Variants in S100B observed in about 807,000 individuals in gnomAD.
S100B encodes protein S100-B.
A neutral mutation model predicts 7.7 loss-of-function variants in S100B; 6 were observed. The observed-to-expected ratio is 0.78, with a 90% CI of 0.43 to 1.54. The LOEUF (loss-of-function observed/expected upper bound fraction) is 1.54. S100B is among the 40% of genes most tolerant of loss of function. The probability of loss-of-function intolerance (pLI) is 0.01; values close to 1 mark genes in which losing one functional copy is unlikely to be tolerated. For synonymous variants in S100B, 36 were observed against 40.4 expected (o/e 0.89, Z 0.41); for missense variants, 99 against 111.8 (o/e 0.89, Z 0.52).
At chr21:46,600,852 C>T (rs1320265181) in intron 2 of S100B, among the ~76,000 whole-genome samples, 1 of 152,136 alleles carries the variant, frequency 6.6e-6, no homozygotes, top group African/African-American at 2.4e-5. Flanking sequence ...TAAGCACTGT[C>T]CCGCTTCACC....
chr21:46,603,630 C>T (rs1027006526), intron 1 of S100B, among the ~76,000 whole-genome samples: 3 of 152,056 alleles, frequency 2.0e-5, no homozygotes, highest in Non-Finnish European at 2.9e-5. Context: ...AGAACGTTTG[C>T]GCTGTCATAA....
At chr21:46,600,727 A>C (rs1842020177) in intron 2 of S100B, among the ~76,000 whole-genome samples, 1 of 152,232 alleles carries the variant, frequency 6.6e-6, no homozygotes, top group South Asian at 2.1e-4. Flanking sequence ...TGAAATGCTT[A>C]CCATGAATTA....
chr21:46,605,027 A>T lies in S100B; in HGVS notation c.-16T>A, dbSNP rs1019587565. ...CTCTTTCTCACCTCTTCCTTGTCTC[A>T]CCCCTTCCTGGTCTCCTTGCTGCAG... On this transcript the variant is annotated 5_prime_UTR_variant, in exon 1 of 3. Transcript: ENST00000291700. 8 of 152,138 alleles carry T rather than the reference A, an allele frequency of 5.3e-5. No individual in the cohort carries two copies. Among genetic ancestry groups the T allele is most frequent in the African/African-American group, 1.9e-4 (8 of 41,288 alleles). The allele number at this position is 152,138 out of a possible 1,614,324, so 9.4% of individuals were successfully genotyped here. A position where few individuals can be genotyped will look rare whatever the true frequency, so the allele number is the denominator to read the frequency against.
At position 46,602,750 on chromosome 21, in the gene S100B, G is replaced by T. The variant is rs2061045222; in HGVS notation, c.-1-334C>A. 3 of 209,092 alleles carry T rather than the reference G, an allele frequency of 1.4e-5. No homozygotes were observed. The South Asian group carries it at 3.3e-4, about 23-fold the overall frequency. The allele number at this position is 209,092 out of a possible 1,614,324, so 13.0% of individuals were successfully genotyped here. A position where few individuals can be genotyped will look rare whatever the true frequency, so the allele number is the denominator to read the frequency against. On this transcript the variant is annotated intron_variant, in intron 1 of 2. Coordinates refer to ENST00000291700, the MANE Select transcript of S100B (RefSeq NM_006272.3). ...AGGCAGAGCAGCAAGGGAATTCAGGGATTAATTTCCCCTGAATTAATCCCC... is the reference window on the plus strand; with the variant it reads ...AGGCAGAGCAGCAAGGGAATTCAGGTATTAATTTCCCCTGAATTAATCCCC...
intron 1 of S100B, among the ~76,000 whole-genome samples, chr21:46,603,475 C>T (rs944657590): frequency 1.3e-4 from 19 of 151,230 alleles, no homozygotes; most frequent in Non-Finnish European, 2.7e-4. Context: ...GTACCTTACG[C>T]CACAGCCTAC....
chr21:46,604,067 A>C (rs1168129062), intron 1 of S100B, among the ~76,000 whole-genome samples: 1 of 152,222 alleles, frequency 6.6e-6, no homozygotes, highest in African/African-American at 2.4e-5. Flanking sequence ...TTTTTCTATG[A>C]ATTGTGACTA....
At chr21:46,602,608 G>A (rs11911834) in intron 1 of S100B, 192 bp from the exon 2 acceptor site, 9 of 541,608 alleles carry the variant, frequency 1.7e-5, no homozygotes, top group South Asian at 8.1e-5. Flanking sequence ...TCCTTCCACC[G>A]GCCTCTTAGA....
chr21:46,604,101 C>A (rs1465230052), intron 1 of S100B, among the ~76,000 whole-genome samples: 1 of 152,126 alleles, frequency 6.6e-6, no homozygotes, highest in Non-Finnish European at 1.5e-5. Context: ...AAAGGAAAGG[C>A]ATAAAACATG....
In S100B at chr21:46,599,371, G is replaced by C. The variant is rs763940534; in HGVS notation, c.271C>G (p.His91Asp). The C allele has an allele frequency of 7.4e-6, 12 of 1,613,782 alleles. No homozygotes were observed. Among genetic ancestry groups the C allele is most frequent in the Non-Finnish European group, 1.0e-5 (12 of 1,179,920 alleles). The change falls in exon 3 of 3, where the codon CAT (histidine) becomes GAT (aspartate). Residue 91 changes from histidine to aspartate, a missense_variant. Transcript: ENST00000291700. Reference sequence around the variant, plus strand: ...TTGGCTGCTTTCTAATCTCACTCATGTTCAAAGAACTCGTGGCAGGCAGTA... The same window carrying C: ...TTGGCTGCTTTCTAATCTCACTCATCTTCAAAGAACTCGTGGCAGGCAGTA... ...VTTACHEFFEHE is the reference protein window; with the variant it reads ...VTTACHEFFEDE
chr21:46,603,372 G>C (rs1213141753), intron 1 of S100B, among the ~76,000 whole-genome samples: 2 of 131,998 alleles, frequency 1.5e-5, no homozygotes, highest in Non-Finnish European at 3.4e-5. Flanking sequence ...CTCATTCACT[G>C]CAGTGACTGG....
chr21:46,600,275 C>T, intron 2 of S100B: 1 of 374,302 alleles, frequency 2.7e-6, no homozygotes, highest in Non-Finnish European at 5.3e-6. Context: ...GGCACGGTGG[C>T]TCACACCTGT....
chr21:46,602,187 A>T (rs182879640), intron 2 of S100B, 91 bp downstream of exon 2: 679 of 1,209,550 alleles, frequency 5.6e-4, no homozygotes, highest in Non-Finnish European at 6.9e-4. Flanking sequence ...AAATGAAATC[A>T]CCTTCAGGGC....
In S100B at chr21:46,602,645, G is replaced by T. The variant is rs377595047; in HGVS notation, c.-1-229C>A. On this transcript the variant is annotated intron_variant, in intron 1 of 2. Transcript: ENST00000291700. The stretch of plus-strand genomic sequence containing the variant: ...AGCTGTGGGCCTGCCTTCTCTGTCC[G>T]TGTGGGCCACGGGGATATATTCCCA... 4.6e-5 allele frequency: 21 copies of T among 458,610 alleles called. No individual in the cohort carries two copies. The East Asian group carries it at 7.5e-4, about 16-fold the overall frequency. 28.4% of individuals were successfully genotyped at this position (458,610 alleles called of 1,614,324 possible). A position where few individuals can be genotyped will look rare whatever the true frequency, so the allele number is the denominator to read the frequency against.
chr21:46,603,727 T>TAGATGTTTAAA (rs3216568), intron 1 of S100B, among the ~76,000 whole-genome samples: 2 of 151,776 alleles, frequency 1.3e-5, no homozygotes, highest in Admixed American at 1.3e-4. Context: ...AATTTGGAAT[T>TAGATGTTTAAA]ATTTTATTTA....
intron 2 of S100B, among the ~76,000 whole-genome samples, chr21:46,601,400 G>A (rs555870372): frequency 1.3e-5 from 2 of 152,274 alleles, no homozygotes; most frequent in Admixed American, 1.3e-4. Context: ...GGCTCAAGGC[G>A]TGCCTCAAGC....
In S100B at chr21:46,599,414, G is replaced by A; in HGVS notation, c.228C>T (p.Ala76=). The part of the protein sequence containing the change: ...DGECDFQEFM[A]FVAMVTTACH... ...AGGCAGTAGTAACCATGGCAACAAA[G>A]GCCATGAATTCCTGGAAGTCACATT... The change falls in exon 3 of 3, where the codon GCC becomes GCT. Residue 76 remains alanine, a synonymous_variant. Transcript: ENST00000291700. 2 of 1,613,648 alleles carry A rather than the reference G, an allele frequency of 1.2e-6. No individual in the cohort carries two copies. Among genetic ancestry groups the A allele is most frequent in the Non-Finnish European group, 1.7e-6 (2 of 1,179,578 alleles).
intron 1 of S100B, among the ~76,000 whole-genome samples, chr21:46,603,484 A>ACGAAC (rs2061048865): frequency 6.7e-6 from 1 of 148,928 alleles, no homozygotes; most frequent in African/African-American, 2.5e-5. Context: ...GCCACAGCCT[A>ACGAAC]CGAACCAAGG....
intron 1 of S100B, chr21:46,602,644 C>T (rs767667366): frequency 2.0e-5 from 9 of 459,564 alleles, no homozygotes; most frequent in South Asian, 7.1e-5. Flanking sequence ...CTTCTCTGTC[C>T]GTGTGGGCCA....
chr21:46,602,174 G>A (rs1371703908), intron 2 of S100B, 104 bp downstream of exon 2: 7 of 1,101,350 alleles, frequency 6.4e-6, no homozygotes, highest in Non-Finnish European at 9.2e-6. Context: ...AGTCTTGGAA[G>A]GGAAATGAAA....
Sources: allele counts gnomAD v4.1 joint callset (sites outside exome capture counted in the v4.1 genomes callset), GRCh38; gene constraint gnomAD v4.1.1; transcripts MANE v1.5; gene names NCBI Gene and HGNC (gene_info 2026-07-23, HGNC 2026-07-21).